Variants in SPOCK1 observed in about 807,000 individuals in gnomAD.
SPOCK1 encodes the protein testican-1.
Under a neutral mutation model 55.3 loss-of-function variants are expected in SPOCK1, and 23 were observed. That is an observed-to-expected ratio of 0.42 (90% CI 0.30 to 0.59). The LOEUF (loss-of-function observed/expected upper bound fraction) is 0.59. Ranked by LOEUF, SPOCK1 falls within the 20% of genes least tolerant of loss-of-function variation. The pLI is 0.22. For synonymous variants in SPOCK1, 226 were observed against 221.0 expected (o/e 1.02, Z -0.20); for missense variants, 499 against 552.5 (o/e 0.90, Z 0.97).
intron 6 of SPOCK1, among the ~76,000 whole-genome samples, chr5:137,016,543 T>TA (rs762442017): frequency 6.6e-6 from 1 of 152,316 alleles, no homozygotes; most frequent in South Asian, 2.1e-4. Context: ...AGGCTTGTAC[T>TA]AAAAAACCCA....
chr5:137,460,373 G>A (rs1007781062), intron 2 of SPOCK1, among the ~76,000 whole-genome samples: 6 of 152,120 alleles, frequency 3.9e-5, no homozygotes, highest in African/African-American at 9.7e-5. Flanking sequence ...GACGCCTCCA[G>A]GGAGACTCTT....
chr5:137,208,404 G>T (rs1401254524), intron 3 of SPOCK1, among the ~76,000 whole-genome samples: 2 of 152,168 alleles, frequency 1.3e-5, no homozygotes, highest in African/African-American at 4.8e-5. Context: ...ATAGATGGGA[G>T]AAAGACTGAA....
At chr5:137,334,907 G>T (rs543192947) in intron 2 of SPOCK1, among the ~76,000 whole-genome samples, 2 of 152,144 alleles carry the variant, frequency 1.3e-5, no homozygotes, top group Middle Eastern at 3.2e-3. Flanking sequence ...ACCCAAGGGC[G>T]TACCCGTCAC....
At chr5:137,133,789 C>A (rs908424736) in intron 4 of SPOCK1, among the ~76,000 whole-genome samples, 1 of 151,964 alleles carries the variant, frequency 6.6e-6, no homozygotes, top group Non-Finnish European at 1.5e-5. Context: ...TCAGAAAAGC[C>A]AAGAAGGGGA....
At chr5:137,346,329 A>T (rs1440496777) in intron 2 of SPOCK1, among the ~76,000 whole-genome samples, 1 of 152,022 alleles carries the variant, frequency 6.6e-6, no homozygotes, top group Non-Finnish European at 1.5e-5. Context: ...CCTTCCCTGC[A>T]CCCCTCCTCC....
chr5:137,336,302 G>T (rs1388875375), intron 2 of SPOCK1, among the ~76,000 whole-genome samples: 1 of 152,144 alleles, frequency 6.6e-6, no homozygotes, highest in Non-Finnish European at 1.5e-5. Flanking sequence ...CTATCATAGG[G>T]ACAGGCCCTG....
intron 9 of SPOCK1, among the ~76,000 whole-genome samples, chr5:136,981,613 C>T (rs555566081): frequency 6.6e-6 from 1 of 152,174 alleles, no homozygotes; most frequent in Admixed American, 6.5e-5. Flanking sequence ...GTTTAGTAAT[C>T]TCATATTTTA....
rs762937224 is a variant in SPOCK1 at position 137,132,174 on chromosome 5, CAAAAAAA to C, written c.347+8399_347+8405del. ...TGGGCAACAGAACAAGACTCTGTCTCAAAAAAAAAAAAAAAAAAAAAATCTCCAGAAC... is the reference window on the plus strand; with the variant it reads ...TGGGCAACAGAACAAGACTCTGTCTCAAAAAAAAAAAAAAATCTCCAGAAC... On this transcript the variant is annotated intron_variant, in intron 4 of 10. Transcript: ENST00000394945. 2.8e-3 allele frequency among the ~76,000 whole-genome samples: 164 copies of C among 59,204 alleles called. 2 individuals are homozygous for C. The highest frequency in any genetic ancestry group is 0.011 in the African/African-American group (156 of 14,064). 38.8% of individuals were successfully genotyped at this position (59,204 alleles called of 152,430 possible). A position where few individuals can be genotyped will look rare whatever the true frequency, so the allele number is the denominator to read the frequency against.
At chr5:136,997,817 C>T (rs970675010) in intron 6 of SPOCK1, among the ~76,000 whole-genome samples, 1 of 152,154 alleles carries the variant, frequency 6.6e-6, no homozygotes, top group African/African-American at 2.4e-5. Context: ...TCATAACACC[C>T]ATCTCGTTCA....
intron 2 of SPOCK1, among the ~76,000 whole-genome samples, chr5:137,298,841 A>G (rs548109890): frequency 3.9e-5 from 6 of 152,194 alleles, no homozygotes; most frequent in Non-Finnish European, 7.4e-5. Context: ...TGCATGGTAT[A>G]TATTTCTCCA....
At chr5:137,090,202 T>G (rs765912549) in intron 5 of SPOCK1, among the ~76,000 whole-genome samples, 2 of 152,260 alleles carry the variant, frequency 1.3e-5, no homozygotes, top group Non-Finnish European at 2.9e-5. Flanking sequence ...GGGTTGAGCC[T>G]GCCTCAGGAA....
chr5:137,274,702 C>G (rs956313668), intron 2 of SPOCK1, among the ~76,000 whole-genome samples: 1 of 152,070 alleles, frequency 6.6e-6, no homozygotes, highest in Non-Finnish European at 1.5e-5. Context: ...TGAAGGGAGA[C>G]CAATTGCAAC....
intron 5 of SPOCK1, among the ~76,000 whole-genome samples, chr5:137,102,059 C>A (rs895570144): frequency 3.3e-5 from 5 of 152,138 alleles, no homozygotes; most frequent in African/African-American, 1.2e-4. Flanking sequence ...ATGAGGCTAA[C>A]ATAGTTAATA....
intron 3 of SPOCK1, among the ~76,000 whole-genome samples, chr5:137,158,637 A>G (rs1488853439): frequency 2.0e-5 from 3 of 152,040 alleles, no homozygotes; most frequent in South Asian, 4.2e-4. Flanking sequence ...GAAAAATACT[A>G]TGTATATCAC....
chr5:137,051,023 T>C (rs1297790711), intron 6 of SPOCK1, among the ~76,000 whole-genome samples: 1 of 152,208 alleles, frequency 6.6e-6, no homozygotes, highest in Non-Finnish European at 1.5e-5. Flanking sequence ...CCAATCTAAA[T>C]ATCATTTCTT....
rs1428293872 is a variant in SPOCK1 at position 137,097,203 on chromosome 5, T to A, written c.474+15232A>T. ...TGAAGCTGGCCACTGGGGGGTAGAC[T>A]CTGGTCTCTGGCCTTGTGAATAGAG... is the stretch of plus-strand genomic sequence containing the variant. On this transcript the variant is annotated intron_variant, in intron 5 of 10. Coordinates refer to ENST00000394945, the MANE Select transcript of SPOCK1 (RefSeq NM_004598.4). Among the ~76,000 whole-genome samples the A allele has an allele frequency of 4.6e-5, 7 of 152,110 alleles. No individual in the cohort carries two copies. In the East Asian group the frequency reaches 1.3e-3, roughly 29 times the overall value.
intron 4 of SPOCK1, among the ~76,000 whole-genome samples, chr5:137,115,183 C>A (rs983282690): frequency 6.6e-6 from 1 of 151,916 alleles, no homozygotes; most frequent in Non-Finnish European, 1.5e-5. Context: ...GTGGCGGGGT[C>A]GGTGGGGGGA....
chr5:137,349,320 A>G (rs1750627497), intron 2 of SPOCK1, among the ~76,000 whole-genome samples: 1 of 152,212 alleles, frequency 6.6e-6, no homozygotes, highest in South Asian at 2.1e-4. Context: ...GACCTGCAAT[A>G]TTTGAAAGCA....
chr5:137,062,202 T>C (rs537094179), intron 6 of SPOCK1, among the ~76,000 whole-genome samples: 1 of 152,228 alleles, frequency 6.6e-6, no homozygotes, highest in South Asian at 2.1e-4. Flanking sequence ...GGGAAAGCTG[T>C]GGCACCTTGG....
Sources: allele counts gnomAD v4.1 joint callset (sites outside exome capture counted in the v4.1 genomes callset), GRCh38; gene constraint gnomAD v4.1.1; transcripts MANE v1.5; gene names NCBI Gene and HGNC (gene_info 2026-07-23, HGNC 2026-07-21).